The following NYAP2 variants were observed in gnomAD, a reference collection of about 807,000 sequenced individuals.
NYAP2 encodes neuronal tyrosine-phosphorylated phosphoinositide-3-kinase adaptor 2, also known as neuronal tyrosine-phosphorylated phosphoinositide-3-kinase adapter 2.
In NYAP2, 23 loss-of-function variants were observed where a neutral mutation model predicts 50.4. The observed-to-expected ratio is 0.46, with a 90% confidence interval of 0.33 to 0.65. NYAP2 has a LOEUF of 0.65. Among genes scored for constraint, NYAP2 ranks in the 30% least tolerant of loss-of-function variants. The pLI is 0.02. For missense variants in NYAP2, 885 were observed against 861.0 expected (o/e 1.03, Z -0.35); for synonymous variants, 394 against 365.2 (o/e 1.08, Z -0.90).
intron 5 of NYAP2, among the ~76,000 whole-genome samples, chr2:225,617,062 C>A (rs932398188): frequency 6.6e-6 from 1 of 152,146 alleles, no homozygotes; most frequent in African/African-American, 2.4e-5. Flanking sequence ...CTGCAACAGA[C>A]CTTTGGTCTC....
intron 4 of NYAP2, among the ~76,000 whole-genome samples, chr2:225,528,555 A>G (rs1307992373): frequency 6.6e-6 from 1 of 152,222 alleles, no homozygotes; most frequent in Non-Finnish European, 1.5e-5. Context: ...TGACACTAAA[A>G]TGATATTAGG....
At chr2:225,662,554 T>A in the NYAP2 span, among the ~76,000 whole-genome samples, 1 of 152,252 alleles carries the variant, frequency 6.6e-6, no homozygotes. Context: ...GAACCCCAAC[T>A]GTACTGTCAT....
chr2:225,603,377 A>C (rs1424345082), intron 5 of NYAP2, among the ~76,000 whole-genome samples: 2 of 152,230 alleles, frequency 1.3e-5, no homozygotes, highest in Non-Finnish European at 2.9e-5. Context: ...GTATTTTCTA[A>C]GTGAAGATGT....
chr2:225,489,420 ACTCCTG>A (rs1436955746), intron 3 of NYAP2, among the ~76,000 whole-genome samples: 2 of 150,578 alleles, frequency 1.3e-5, no homozygotes, highest in African/African-American at 4.9e-5. Context: ...GTGGTCTTGA[ACTCCTG>A]ACCTCAGATG....
At chr2:225,573,579 T>G (rs1474525718) in intron 4 of NYAP2, among the ~76,000 whole-genome samples, 1 of 152,124 alleles carries the variant, frequency 6.6e-6, no homozygotes, top group African/African-American at 2.4e-5. Context: ...TGTTGTTCTG[T>G]GAGTTGTTGG....
chr2:225,527,397 C>T (rs1046049858), intron 4 of NYAP2, among the ~76,000 whole-genome samples: 4 of 152,180 alleles, frequency 2.6e-5, no homozygotes, highest in Non-Finnish European at 5.9e-5. Context: ...CAGGATTTTC[C>T]AAGGCTTCAA....
intron 3 of NYAP2, among the ~76,000 whole-genome samples, chr2:225,412,000 A>G (rs952466392): frequency 3.4e-5 from 5 of 149,106 alleles, no homozygotes; most frequent in Admixed American, 6.7e-5. Flanking sequence ...ATATTATACT[A>G]TAATAATATT....
chr2:225,399,300 G>A (rs895473192), upstream of NYAP2, among the ~76,000 whole-genome samples: 1 of 151,884 alleles, frequency 6.6e-6, no homozygotes, highest in Non-Finnish European at 1.5e-5. Context: ...TTTTACTGAG[G>A]AGGAGCCAGT....
At chr2:225,642,671 C>T (rs1693553505) in intron 6 of NYAP2, among the ~76,000 whole-genome samples, 1 of 152,164 alleles carries the variant, frequency 6.6e-6, no homozygotes, top group African/African-American at 2.4e-5. Context: ...ATCGATTGGA[C>T]AGACTTGATT....
intron 6 of NYAP2, among the ~76,000 whole-genome samples, chr2:225,627,459 G>C (rs1320740760): frequency 1.3e-5 from 2 of 152,142 alleles, no homozygotes; most frequent in African/African-American, 2.4e-5. Flanking sequence ...CGAAGTTTGA[G>C]TAATTTAGAA....
chr2:225,435,814 G>A (rs908900977), intron 3 of NYAP2, among the ~76,000 whole-genome samples: 8 of 152,120 alleles, frequency 5.3e-5, no homozygotes, highest in Non-Finnish European at 1.5e-5. Flanking sequence ...TTTACTACAT[G>A]ATCATGAATG....
chr2:225,531,851 G>A (rs1250953795), intron 4 of NYAP2, among the ~76,000 whole-genome samples: 1 of 152,130 alleles, frequency 6.6e-6, no homozygotes, highest in African/African-American at 2.4e-5. Context: ...GTAAAACCCT[G>A]CCTTTCTTCA....
intron 5 of NYAP2, among the ~76,000 whole-genome samples, chr2:225,622,553 CTTTCTT>C (rs767357716): frequency 0.17 from 6,926 of 40,568 alleles, 380 homozygotes; most frequent in Middle Eastern, 0.22. Flanking sequence ...TTCTTTCTTT[CTTTCTT>C]TTTCTTTCTT....
chr2:225,644,094 C>A (rs1021696239), intron 6 of NYAP2, among the ~76,000 whole-genome samples: 39 of 151,026 alleles, frequency 2.6e-4, no homozygotes, highest in Admixed American at 2.2e-3. Context: ...TCCACATCCT[C>A]TCCAGCACCT....
chr2:225,605,634 T>A lies in NYAP2; in HGVS notation c.1619-21283T>A, dbSNP rs1461392152. On this transcript the variant is annotated intron_variant, in intron 5 of 6. Transcript: ENST00000636099. ...TTTGGCAGCCAAGTTTTTCCTTATT[T>A]ATGAAGTTGGGGAATAATCATAATG... Among the ~76,000 whole-genome samples the A allele has an allele frequency of 2.6e-5, 4 of 152,218 alleles. No individual in the cohort carries two copies. In the Middle Eastern group the frequency reaches 0.01, roughly 391 times the overall value.
intron 5 of NYAP2, among the ~76,000 whole-genome samples, chr2:225,623,562 A>T (rs1021805009): frequency 3.3e-5 from 5 of 152,180 alleles, no homozygotes; most frequent in Non-Finnish European, 7.4e-5. Context: ...CTTCTTTTTC[A>T]GACTGGGGAC....
At chr2:225,501,170 T>C (rs980573834) in intron 3 of NYAP2, among the ~76,000 whole-genome samples, 1 of 152,208 alleles carries the variant, frequency 6.6e-6, no homozygotes, top group Admixed American at 6.5e-5. Context: ...TTCTTACTAA[T>C]AGGAACATGT....
At chr2:225,665,518 G>A in the NYAP2 span, among the ~76,000 whole-genome samples, 1 of 150,976 alleles carries the variant, frequency 6.6e-6, no homozygotes, top group Non-Finnish European at 1.5e-5. Flanking sequence ...CATGAGCTGC[G>A]TGAAGATTTG....
At chr2:225,634,358 G>A (rs1693375292) in intron 6 of NYAP2, among the ~76,000 whole-genome samples, 3 of 152,104 alleles carry the variant, frequency 2.0e-5, no homozygotes, top group African/African-American at 7.2e-5. Context: ...CCCCTCACGT[G>A]ACAACCAGTA....
Sources: gnomAD v4.1 joint callset for allele counts (sites outside exome capture counted in the v4.1 genomes callset) on GRCh38, gnomAD v4.1.1 for gene constraint, MANE v1.5 for transcripts, NCBI Gene and HGNC (gene_info 2026-07-23, HGNC 2026-07-21) for gene names.